TMEFF1: variants seen among roughly 807,000 people sequenced by gnomAD.
TMEFF1 encodes the protein transmembrane protein with EGF like and two follistatin like domains 1, also known as tomoregulin-1.
In TMEFF1, 20 loss-of-function variants were observed where a neutral mutation model predicts 47.5. The ratio of observed to expected loss-of-function variants is 0.42; its 90% CI spans 0.30 to 0.61. The LOEUF (loss-of-function observed/expected upper bound fraction) is 0.61. Ranked by LOEUF, TMEFF1 falls within the 20% of genes least tolerant of loss-of-function variation. The pLI is 0.19. For missense variants in TMEFF1, 411 were observed against 471.1 expected (o/e 0.87, Z 1.18); for synonymous variants, 162 against 166.3 (o/e 0.97, Z 0.20).
chr9:100,490,836 GGTGTGTGTGT>G (rs10654628), intron 1 of TMEFF1, among the ~76,000 whole-genome samples: 6 of 136,088 alleles, frequency 4.4e-5, no homozygotes, highest in South Asian at 2.7e-4. Flanking sequence ...TTATATGTAT[GGTGTGTGTGT>G]GTGTGTGTGT....
At chr9:100,572,394 A>G in intron 8 of TMEFF1, 124 bp from the exon 9 acceptor site, 1 of 1,101,004 alleles carries the variant, frequency 9.1e-7, no homozygotes, top group Non-Finnish European at 1.2e-6. Flanking sequence ...CCCAGATGGT[A>G]GGAAAGTGCA....
At position 100,473,742 on chromosome 9, in the gene TMEFF1, T is replaced by G; in HGVS notation, c.196+2T>G. The G allele has an allele frequency of 6.6e-7, 1 of 1,514,836 alleles. No homozygotes were observed. Among genetic ancestry groups the G allele is most frequent in the Non-Finnish European group, 8.9e-7 (1 of 1,128,140 alleles). 93.8% of individuals were successfully genotyped at this position (1,514,836 alleles called of 1,614,324 possible). On this transcript the variant is annotated splice_donor_variant, in intron 1 of 9. Transcript: ENST00000374879. LOFTEE classifies it high-confidence loss of function. The surrounding 1 kb of genome is among the most constrained non-coding windows in gnomAD (Gnocchi z 5.4). The stretch of plus-strand genomic sequence containing the variant: ...AAGGCAAGAGCATCAACTGCTCAGG[T>G]AGGACCGGTCGGAGCCGGCCCTAGG...
intron 1 of TMEFF1, among the ~76,000 whole-genome samples, chr9:100,480,872 G>C (rs939070477): frequency 3.3e-5 from 5 of 152,196 alleles, no homozygotes; most frequent in African/African-American, 1.2e-4. Flanking sequence ...CACTGTACAA[G>C]GTGCCCTGAG....
chr9:100,490,836 G>GGTGTGTGTGTGTGTGTGTGT (rs10654628), intron 1 of TMEFF1, among the ~76,000 whole-genome samples: 10 of 136,158 alleles, frequency 7.3e-5, no homozygotes, highest in Non-Finnish European at 9.3e-5. Flanking sequence ...TTATATGTAT[G>GGTGTGTGTGTGTGTGTGTGT]GTGTGTGTGT....
intron 5 of TMEFF1, among the ~76,000 whole-genome samples, chr9:100,522,726 C>T (rs1048188259): frequency 1.6e-4 from 25 of 151,622 alleles, no homozygotes; most frequent in African/African-American, 5.1e-4. Context: ...TGAGCCACTG[C>T]ACCTGGCCTT....
At position 100,576,714 on chromosome 9, in the gene TMEFF1, A is replaced by G; in HGVS notation, c.*114A>G. ...TATTTTTGGACATTTTTAGTGTAGTACTGTTGGCTCGTATTTAGAATATTC... is the reference window on the plus strand; with the variant it reads ...TATTTTTGGACATTTTTAGTGTAGTGCTGTTGGCTCGTATTTAGAATATTC... On this transcript the variant is annotated 3_prime_UTR_variant, in exon 10 of 10. Transcript: ENST00000374879. The G allele has an allele frequency of 1.6e-6, 2 of 1,266,210 alleles. No individual in the cohort carries two copies. Among genetic ancestry groups the G allele is most frequent in the Non-Finnish European group, 2.2e-6 (2 of 921,008 alleles). The allele number at this position is 1,266,210 out of a possible 1,614,324, so 78.4% of individuals were successfully genotyped here.
In TMEFF1 at chr9:100,547,691, A is replaced by G. The variant is rs1015154221; in HGVS notation, c.561-53A>G. 18 of 1,402,098 alleles carry G rather than the reference A, an allele frequency of 1.3e-5. No individual in the cohort carries two copies. The East Asian group carries it at 4.9e-4, about 38-fold the overall frequency. The allele number at this position is 1,402,098 out of a possible 1,614,324, so 86.9% of individuals were successfully genotyped here. A position where few individuals can be genotyped will look rare whatever the true frequency, so the allele number is the denominator to read the frequency against. ...AATTGGTCTTTTTTGCTGTTGCAGC[A>G]TTGTGAAATATTTTTGTTGTAAAAT... On this transcript the variant is annotated intron_variant, in intron 5 of 9. Transcript: ENST00000374879.
chr9:100,474,458 G>GT (rs1467127680), intron 1 of TMEFF1, among the ~76,000 whole-genome samples: 1 of 152,034 alleles, frequency 6.6e-6, no homozygotes, highest in African/African-American at 2.4e-5. Context: ...GTTTTTGTGT[G>GT]TTGTGTGTGA....
chr9:100,514,073 C>T (rs1838019803), intron 4 of TMEFF1, among the ~76,000 whole-genome samples: 1 of 152,068 alleles, frequency 6.6e-6, no homozygotes, highest in African/African-American at 2.4e-5. Flanking sequence ...TGAGTATGTA[C>T]TGTATACCAA....
At chr9:100,496,147 CTGTTA>C in intron 1 of TMEFF1, among the ~76,000 whole-genome samples, 1 of 152,334 alleles carries the variant, frequency 6.6e-6, no homozygotes, top group East Asian at 1.9e-4. Context: ...TCCTCTGTCT[CTGTTA>C]TGAGTTCTTG....
chr9:100,522,379 A>G (rs1253448565), intron 5 of TMEFF1, among the ~76,000 whole-genome samples: 1 of 151,724 alleles, frequency 6.6e-6, no homozygotes, highest in Non-Finnish European at 1.5e-5. Context: ...TTTTATCCAA[A>G]GTATAATCTG....
intron 8 of TMEFF1, among the ~76,000 whole-genome samples, chr9:100,572,174 A>G (rs1307986757): frequency 6.6e-6 from 1 of 152,186 alleles, no homozygotes; most frequent in East Asian, 1.9e-4. Flanking sequence ...TTAATTTAAA[A>G]AGTGAAAAAA....
chr9:100,517,983 A>G (rs952615132), intron 5 of TMEFF1, among the ~76,000 whole-genome samples: 2 of 152,176 alleles, frequency 1.3e-5, no homozygotes, highest in African/African-American at 4.8e-5. Flanking sequence ...TTCAGAGTCA[A>G]AATAGCTGTC....
intron 7 of TMEFF1, 34 bp from the exon 8 acceptor site, chr9:100,561,363 C>T (rs758724854): frequency 4.4e-6 from 7 of 1,593,780 alleles, no homozygotes; most frequent in Non-Finnish European, 5.1e-6. Context: ...GCTTGCGTTT[C>T]ATTGTTGAAC....
At chr9:100,508,978 G>T in intron 2 of TMEFF1, 27 bp from the exon 3 acceptor site, 2 of 1,544,088 alleles carry the variant, frequency 1.3e-6, no homozygotes, top group Non-Finnish European at 1.7e-6. Context: ...GCCTAGTTCT[G>T]AGAATTTATT....
chr9:100,512,133 C>T (rs1018441600), intron 3 of TMEFF1, among the ~76,000 whole-genome samples: 5 of 152,138 alleles, frequency 3.3e-5, no homozygotes, highest in African/African-American at 1.2e-4. Flanking sequence ...GGGGTGTTTT[C>T]CTAAGAAGAG....
intron 1 of TMEFF1, among the ~76,000 whole-genome samples, chr9:100,487,636 T>C (rs1245013167): frequency 6.6e-6 from 1 of 152,204 alleles, no homozygotes; most frequent in Non-Finnish European, 1.5e-5. Context: ...GGTTTCTGGT[T>C]ATGGTAGTGT....
intron 5 of TMEFF1, among the ~76,000 whole-genome samples, chr9:100,536,824 T>C (rs1838521350): frequency 6.6e-6 from 1 of 152,212 alleles, no homozygotes. Flanking sequence ...TAGTTGCAAT[T>C]CTAGCTGGTT....
chr9:100,501,833 C>T lies in TMEFF1; in HGVS notation c.306+2959C>T, dbSNP rs190222793. 5.3e-5 allele frequency among the ~76,000 whole-genome samples: 8 copies of T among 152,118 alleles called. No homozygotes were observed. The East Asian group carries it at 5.8e-4, about 11-fold the overall frequency. Reference sequence around the variant, plus strand: ...CTAATTTTTGTGTTTTTAGTAGAGACGGGATTTCACCATGTTGGCCAGGAT... The same window carrying T: ...CTAATTTTTGTGTTTTTAGTAGAGATGGGATTTCACCATGTTGGCCAGGAT... On this transcript the variant is annotated intron_variant, in intron 2 of 9. Transcript: ENST00000374879.
Sources: gnomAD v4.1 joint callset for allele counts (sites outside exome capture counted in the v4.1 genomes callset) on GRCh38, gnomAD v4.1.1 for gene constraint, Gnocchi (gnomAD v3.1) non-coding constraint, MANE v1.5 for transcripts, NCBI Gene and HGNC (gene_info 2026-07-23, HGNC 2026-07-21) for gene names.